Variants in HTR2C observed in about 807,000 individuals in gnomAD.
HTR2C encodes 5-hydroxytryptamine receptor 2C.
A neutral mutation model predicts 21.0 loss-of-function variants in HTR2C; 5 were observed. The observed-to-expected ratio is 0.24, with a 90% confidence interval of 0.12 to 0.50. The LOEUF is 0.50. Among genes scored for constraint, HTR2C ranks in the 20% least tolerant of loss-of-function variants. The probability of loss-of-function intolerance (pLI) is 0.98; values close to 1 mark genes in which losing one functional copy is unlikely to be tolerated. For synonymous variants in HTR2C, 150 were observed against 145.3 expected (o/e 1.03, Z -0.23); for missense variants, 271 against 371.2 (o/e 0.73, Z 2.22).
At chrX:114,810,008 A>G (rs183295250) in intron 4 of HTR2C, among the ~76,000 whole-genome samples, 26 of 111,651 alleles carry the variant, frequency 2.3e-4, no homozygotes, top group African/African-American at 7.8e-4. Flanking sequence ...TTCTTCCAGG[A>G]CTTGGTCCTG....
At chrX:114,774,775 TC>T (rs1170404250) in intron 4 of HTR2C, 7 of 332,954 alleles carry the variant, frequency 2.1e-5, no homozygotes, top group South Asian at 1.9e-4. Flanking sequence ...CAAATTTAGG[TC>T]CTTCAATGTT....
chrX:114,707,340 G>A (rs1282021139), intron 2 of HTR2C, among the ~76,000 whole-genome samples: 1 of 111,160 alleles, frequency 9.0e-6, no homozygotes, highest in Non-Finnish European at 1.9e-5. Context: ...AGGATGGCTT[G>A]AGCCCAGGAG....
At chrX:114,605,445 C>T (rs1376890144) in intron 1 of HTR2C, among the ~76,000 whole-genome samples, 2 of 110,734 alleles carry the variant, frequency 1.8e-5, no homozygotes, top group Admixed American at 9.7e-5. Flanking sequence ...ACTGAGGGGA[C>T]AGGCGGGAGG....
rs781997635 is a variant in HTR2C at position 114,888,005 on chromosome X, C to T, written c.551-18584C>T. ...CTCCAGCCTGGGCGACAGAGTGAGA[C>T]TCTAAAAAATAAATAAATAAATAAA... On this transcript the variant is annotated intron_variant, in intron 5 of 5. Transcript: ENST00000276198. 7.3e-4 allele frequency among the ~76,000 whole-genome samples: 81 copies of T among 110,671 alleles called. 2 individuals carry two copies. In the South Asian group the frequency reaches 0.016, roughly 22 times the overall value.
intron 4 of HTR2C, among the ~76,000 whole-genome samples, chrX:114,734,869 C>T (rs184679056): frequency 1.8e-3 from 195 of 110,613 alleles, no homozygotes; most frequent in African/African-American, 5.7e-3. Context: ...ATAATAGATG[C>T]CATAAATTTA....
chrX:114,704,252 AC>A (rs1385019008), intron 2 of HTR2C, among the ~76,000 whole-genome samples: 1 of 111,458 alleles, frequency 9.0e-6, no homozygotes, highest in Non-Finnish European at 1.9e-5. Context: ...CAGAGACACA[AC>A]CAAAAAAGAG....
rs782069992 is a variant in HTR2C at position 114,725,099 on chromosome X, C to G, written c.-79-1759C>G. 2.7e-5 allele frequency among the ~76,000 whole-genome samples: 3 copies of G among 110,774 alleles called. No homozygotes were observed. In the South Asian group the frequency reaches 1.2e-3, roughly 43 times the overall value. On this transcript the variant is annotated intron_variant, in intron 2 of 5. Coordinates refer to ENST00000276198, the MANE Select transcript of HTR2C (RefSeq NM_000868.4). ...TTGGGGAAGTTCTCCTGGATAATAT[C>G]CTGCAGAGTGTTTTCCAACTTGGTT...
chrX:114,641,055 T>TTTTTC (rs1556406338), intron 2 of HTR2C, among the ~76,000 whole-genome samples: 76 of 101,442 alleles, frequency 7.5e-4, no homozygotes, highest in African/African-American at 2.5e-3. Context: ...TTTCTTTCTT[T>TTTTTC]TTTTCTTTTC....
At chrX:114,748,484 A>T (rs1181899621) in intron 4 of HTR2C, among the ~76,000 whole-genome samples, 2 of 111,835 alleles carry the variant, frequency 1.8e-5, no homozygotes, top group Non-Finnish European at 3.8e-5. Flanking sequence ...CAATTGGAGA[A>T]CTCATAATAC....
At chrX:114,808,379 T>C (rs1403238033) in intron 4 of HTR2C, among the ~76,000 whole-genome samples, 1 of 111,723 alleles carries the variant, frequency 9.0e-6, no homozygotes, top group Admixed American at 9.5e-5. Context: ...GATTGACACT[T>C]AGGTTACTTC....
intron 2 of HTR2C, among the ~76,000 whole-genome samples, chrX:114,703,344 A>C (rs1194398640): frequency 2.1e-4 from 23 of 110,311 alleles, no homozygotes; most frequent in Non-Finnish European, 4.0e-4. Context: ...AAAGAACAGA[A>C]ATTATAACAA....
intron 4 of HTR2C, among the ~76,000 whole-genome samples, chrX:114,737,840 T>G (rs2069606590): frequency 8.9e-6 from 1 of 111,817 alleles, no homozygotes; most frequent in Non-Finnish European, 1.9e-5. Flanking sequence ...ACTCAAATAG[T>G]TTCACTGGGC....
chrX:114,653,170 C>T (rs1930652091), intron 2 of HTR2C, among the ~76,000 whole-genome samples: 1 of 107,642 alleles, frequency 9.3e-6, no homozygotes, highest in Admixed American at 1.0e-4. Flanking sequence ...AATTTATAGG[C>T]AGCGTATCCA....
chrX:114,593,634 T>C (rs1458303700), intron 1 of HTR2C, among the ~76,000 whole-genome samples: 1 of 111,102 alleles, frequency 9.0e-6, no homozygotes, highest in East Asian at 2.8e-4. Flanking sequence ...GAATAATTAA[T>C]ATACAAAAAG....
intron 1 of HTR2C, among the ~76,000 whole-genome samples, chrX:114,604,283 A>G (rs1180378191): frequency 1.8e-5 from 2 of 110,068 alleles, no homozygotes; most frequent in African/African-American, 6.6e-5. Flanking sequence ...TAATAAGGGA[A>G]CTGGGCAGGT....
At chrX:114,772,210 A>G (rs1178011671) in intron 4 of HTR2C, among the ~76,000 whole-genome samples, 1 of 112,357 alleles carries the variant, frequency 8.9e-6, no homozygotes, top group African/African-American at 3.2e-5. Flanking sequence ...CAAGGTTGCC[A>G]TTCTGTAAGT....
intron 2 of HTR2C, among the ~76,000 whole-genome samples, chrX:114,631,932 T>C (rs1478473015): frequency 8.9e-6 from 1 of 112,360 alleles, no homozygotes; most frequent in Non-Finnish European, 1.9e-5. Flanking sequence ...TATTAACTAA[T>C]TGGTAAACCC....
intron 2 of HTR2C, among the ~76,000 whole-genome samples, chrX:114,701,141 A>G (rs1169583435): frequency 1.8e-5 from 2 of 112,333 alleles, no homozygotes; most frequent in African/African-American, 6.5e-5. Flanking sequence ...GGGCACAGAC[A>G]AACAAAAAGA....
At chrX:114,761,900 CATATATGTGTATATAT>C (rs2069874554) in intron 4 of HTR2C, among the ~76,000 whole-genome samples, 1 of 104,522 alleles carries the variant, frequency 9.6e-6, no homozygotes, top group African/African-American at 3.7e-5. Flanking sequence ...TGTATATATA[CATATATGTGTATATAT>C]ACGTGTATAT....
Sources: allele counts gnomAD v4.1 joint callset (sites outside exome capture counted in the v4.1 genomes callset), GRCh38; gene constraint gnomAD v4.1.1; transcripts MANE v1.5; gene names NCBI Gene and HGNC (gene_info 2026-07-23, HGNC 2026-07-21).